CNTNAP2: variants seen among roughly 807,000 people sequenced by gnomAD.
The protein encoded by CNTNAP2 is contactin associated protein 2.
Under a neutral mutation model 155.2 loss-of-function variants are expected in CNTNAP2, and 98 were observed. The observed-to-expected ratio is 0.63, with a 90% CI of 0.54 to 0.75. The LOEUF (loss-of-function observed/expected upper bound fraction) is 0.75. CNTNAP2 is among the 30% of genes least tolerant of loss of function. The pLI, the probability that CNTNAP2 is intolerant of heterozygous loss-of-function variation, is 0.00. For synonymous variants in CNTNAP2, 651 were observed against 631.2 expected (o/e 1.03, Z -0.47); for missense variants, 1,727 against 1,688.1 (o/e 1.02, Z -0.40).
chr7:148,211,026 T>G (rs1795538780), intron 18 of CNTNAP2, among the ~76,000 whole-genome samples: 1 of 152,238 alleles, frequency 6.6e-6, no homozygotes, highest in South Asian at 2.1e-4. Context: ...GCCTGCCTGA[T>G]GCAGAATCAT....
intron 10 of CNTNAP2, among the ~76,000 whole-genome samples, chr7:147,452,021 C>G (rs1449609871): frequency 6.6e-6 from 1 of 152,170 alleles, no homozygotes; most frequent in Non-Finnish European, 1.5e-5. Context: ...AGCTGAGAGC[C>G]TATACAGTTC....
At chr7:148,122,786 C>G (rs572516982) in intron 16 of CNTNAP2, among the ~76,000 whole-genome samples, 1 of 151,476 alleles carries the variant, frequency 6.6e-6, no homozygotes, top group East Asian at 2.0e-4. Flanking sequence ...ATGAAAGATC[C>G]TTCAATGAGC....
At chr7:146,974,729 T>C (rs1255939139) in intron 3 of CNTNAP2, among the ~76,000 whole-genome samples, 1 of 152,174 alleles carries the variant, frequency 6.6e-6, no homozygotes, top group Non-Finnish European at 1.5e-5. Context: ...CTGGGCACAG[T>C]GGCTCACACC....
chr7:148,142,093 CTGTGTGTGTGTGTG>C (rs71527881), intron 16 of CNTNAP2, among the ~76,000 whole-genome samples: 33 of 136,414 alleles, frequency 2.4e-4, no homozygotes, highest in Admixed American at 1.7e-3. Flanking sequence ...AGATATGTCT[CTGTGTGTGTGTGTG>C]TGTGTGTGTG....
At position 146,241,552 on chromosome 7, in the gene CNTNAP2, C is replaced by T. The variant is rs577377513; in HGVS notation, c.97+124579C>T. 1.1e-3 allele frequency among the ~76,000 whole-genome samples: 163 copies of T among 152,226 alleles called. 2 individuals are homozygous for T. The highest frequency in any genetic ancestry group is 1.9e-3 in the Non-Finnish European group (126 of 68,018). On this transcript the variant is annotated intron_variant, in intron 1 of 23. Transcript: ENST00000361727. ...TCTTCACTGTACTAACTTAAAAAGA[C>T]CATGCAAGACTTATAATAACTCATT...
At chr7:147,366,462 C>T (rs1036685045) in intron 9 of CNTNAP2, among the ~76,000 whole-genome samples, 1 of 151,656 alleles carries the variant, frequency 6.6e-6, no homozygotes, top group Non-Finnish European at 1.5e-5. Context: ...TTTGTATTAC[C>T]TTTCCTTTAT....
At chr7:148,172,948 G>A (rs76830829) in intron 18 of CNTNAP2, among the ~76,000 whole-genome samples, 2 of 152,116 alleles carry the variant, frequency 1.3e-5, no homozygotes, top group African/African-American at 4.8e-5. Flanking sequence ...TCACCAGAAA[G>A]CTCCTCTGGT....
intron 21 of CNTNAP2, among the ~76,000 whole-genome samples, chr7:148,326,987 C>T (rs1262119232): frequency 1.3e-5 from 2 of 152,216 alleles, no homozygotes; most frequent in Non-Finnish European, 2.9e-5. Context: ...CTTCCTTCTG[C>T]TCATACACGT....
intron 1 of CNTNAP2, among the ~76,000 whole-genome samples, chr7:146,528,817 A>T (rs1023620047): frequency 2.0e-5 from 3 of 152,134 alleles, no homozygotes; most frequent in Non-Finnish European, 4.4e-5. Flanking sequence ...AAAAAAAGAG[A>T]GAGAGACAGT....
chr7:146,218,608 TC>T (rs1799156180), intron 1 of CNTNAP2, among the ~76,000 whole-genome samples: 1 of 152,122 alleles, frequency 6.6e-6, no homozygotes, highest in Non-Finnish European at 1.5e-5. Context: ...TTCTTTTTTT[TC>T]CCCTGTGGTG....
intron 13 of CNTNAP2, among the ~76,000 whole-genome samples, chr7:147,786,101 C>T (rs541387922): frequency 1.3e-5 from 2 of 152,124 alleles, no homozygotes; most frequent in African/African-American, 4.8e-5. Flanking sequence ...ACCATCCTGG[C>T]CAACATGGTG....
At chr7:147,875,279 G>T (rs1360115398) in intron 13 of CNTNAP2, among the ~76,000 whole-genome samples, 1 of 152,166 alleles carries the variant, frequency 6.6e-6, no homozygotes, top group African/African-American at 2.4e-5. Flanking sequence ...CTTCCACATG[G>T]CTGGGAAGGC....
At chr7:146,800,235 C>T (rs1033219293) in intron 2 of CNTNAP2, among the ~76,000 whole-genome samples, 2 of 152,010 alleles carry the variant, frequency 1.3e-5, no homozygotes, top group African/African-American at 4.8e-5. Flanking sequence ...TAGACAGCTA[C>T]AATCAGATTT....
At chr7:148,283,454 C>G (rs1279635723) in intron 21 of CNTNAP2, among the ~76,000 whole-genome samples, 1 of 152,094 alleles carries the variant, frequency 6.6e-6, no homozygotes, top group Non-Finnish European at 1.5e-5. Flanking sequence ...CACCTACTCT[C>G]TAAAATTTAT....
At chr7:146,775,656 C>T (rs1802377810) in intron 2 of CNTNAP2, among the ~76,000 whole-genome samples, 1 of 149,134 alleles carries the variant, frequency 6.7e-6, no homozygotes, top group Non-Finnish European at 1.5e-5. Context: ...CAGGAGGAAA[C>T]CCAAAAGAAG....
At chr7:147,335,446 C>T (rs1005456348) in intron 9 of CNTNAP2, among the ~76,000 whole-genome samples, 4 of 152,000 alleles carry the variant, frequency 2.6e-5, no homozygotes, top group Admixed American at 6.6e-5. Context: ...TTAGGTGCTT[C>T]GTTGAGATTG....
chr7:147,667,795 C>A (rs77560521), intron 13 of CNTNAP2, among the ~76,000 whole-genome samples: 1,460 of 129,606 alleles, frequency 0.011, 35 homozygotes, highest in African/African-American at 0.039. Context: ...GCTGCTGCTG[C>A]AAAAAAAAAA....
chr7:147,823,140 C>T (rs1798388087), intron 13 of CNTNAP2, among the ~76,000 whole-genome samples: 1 of 152,188 alleles, frequency 6.6e-6, no homozygotes, highest in Non-Finnish European at 1.5e-5. Context: ...CAAGTCTACA[C>T]ACTCCACTTG....
At chr7:148,279,505 G>A (rs1796935192) in intron 21 of CNTNAP2, among the ~76,000 whole-genome samples, 2 of 152,182 alleles carry the variant, frequency 1.3e-5, no homozygotes, top group South Asian at 4.2e-4. Context: ...TGGGAGAGAA[G>A]TAGTTTAGGA....
Sources: allele counts gnomAD v4.1 joint callset (sites outside exome capture counted in the v4.1 genomes callset), GRCh38; gene constraint gnomAD v4.1.1; transcripts MANE v1.5; gene names NCBI Gene and HGNC (gene_info 2026-07-23, HGNC 2026-07-21).